LIN28B: variants seen among roughly 807,000 people sequenced by gnomAD.
LIN28B encodes the protein protein lin-28 homolog B.
In LIN28B, 5 loss-of-function variants were observed where a neutral mutation model predicts 21.9. The ratio of observed to expected loss-of-function variants is 0.23; its 90% CI spans 0.12 to 0.48. The LOEUF is 0.48. Ranked by LOEUF, LIN28B falls within the 20% of genes least tolerant of loss-of-function variation. The pLI, the probability that LIN28B is intolerant of heterozygous loss-of-function variation, is 0.98. For synonymous variants in LIN28B, 109 were observed against 111.3 expected (o/e 0.98, Z 0.13); for missense variants, 245 against 310.5 (o/e 0.79, Z 1.58).
At chr6:105,068,508 C>T (rs1772264181) in intron 3 of LIN28B, among the ~76,000 whole-genome samples, 1 of 152,104 alleles carries the variant, frequency 6.6e-6, no homozygotes, top group African/African-American at 2.4e-5. Context: ...GTATTCATTT[C>T]CACTGCCAGC....
intron 2 of LIN28B, among the ~76,000 whole-genome samples, chr6:105,022,664 G>A (rs1343804073): frequency 2.0e-5 from 3 of 152,014 alleles, no homozygotes; most frequent in Non-Finnish European, 4.4e-5. Flanking sequence ...GGTGGGGATG[G>A]AATTAGAGTA....
chr6:104,954,225 A>AAAAAATT (rs1264830573), upstream of LIN28B, among the ~76,000 whole-genome samples: 1 of 152,212 alleles, frequency 6.6e-6, no homozygotes, highest in African/African-American at 2.4e-5. Flanking sequence ...GGAAATGAGA[A>AAAAAATT]AAAAATTAAA....
chr6:104,990,034 A>G (rs1357071152), intron 2 of LIN28B, among the ~76,000 whole-genome samples: 1 of 152,188 alleles, frequency 6.6e-6, no homozygotes, highest in East Asian at 1.9e-4. Context: ...CATTCAGTGA[A>G]AAATACATTT....
chr6:104,947,727 A>G (rs1337151934), intron 2 of LIN28B, among the ~76,000 whole-genome samples: 2 of 150,464 alleles, frequency 1.3e-5, no homozygotes, highest in South Asian at 2.1e-4. Context: ...TGCCTATCCA[A>G]TTATTTTTTA....
chr6:105,026,221 A>C, intron 2 of LIN28B, 77 bp from the exon 3 acceptor site: 1 of 754,656 alleles, frequency 1.3e-6, no homozygotes. Flanking sequence ...TCTTTTTTAA[A>C]ATTATAGAGA....
intron 3 of LIN28B, among the ~76,000 whole-genome samples, chr6:105,036,746 G>GA (rs1392166221): frequency 6.6e-6 from 1 of 152,064 alleles, no homozygotes; most frequent in East Asian, 1.9e-4. Context: ...AATGCCTACA[G>GA]AAAAAAAGTT....
chr6:105,045,190 A>G (rs997379045), intron 3 of LIN28B, among the ~76,000 whole-genome samples: 1 of 151,884 alleles, frequency 6.6e-6, no homozygotes, highest in African/African-American at 2.4e-5. Flanking sequence ...AGCCTGTTTA[A>G]ATCCTGAGTA....
At chr6:104,986,824 T>C (rs1770355606) in intron 2 of LIN28B, among the ~76,000 whole-genome samples, 1 of 152,238 alleles carries the variant, frequency 6.6e-6, no homozygotes, top group Non-Finnish European at 1.5e-5. Flanking sequence ...TGAAATAATT[T>C]GCTGCAACTC....
chr6:104,939,597 T>A (rs1229947138), intron 2 of LIN28B: 2 of 152,238 alleles, frequency 1.3e-5, no homozygotes, highest in African/African-American at 4.8e-5. Context: ...AAATGTATCA[T>A]CACACAGCAA....
At chr6:105,059,712 G>C (rs1772090025) in intron 3 of LIN28B, among the ~76,000 whole-genome samples, 1 of 152,094 alleles carries the variant, frequency 6.6e-6, no homozygotes, top group Non-Finnish European at 1.5e-5. Flanking sequence ...TTACTAAAAT[G>C]TATGACAATA....
chr6:105,016,248 A>G (rs1253104833), intron 2 of LIN28B, among the ~76,000 whole-genome samples: 1 of 151,146 alleles, frequency 6.6e-6, no homozygotes, highest in East Asian at 1.9e-4. Flanking sequence ...ATTAAAGGAT[A>G]AAAACAAAAT....
intron 3 of LIN28B, among the ~76,000 whole-genome samples, chr6:105,040,860 T>C (rs1771617587): frequency 6.6e-6 from 1 of 151,888 alleles, no homozygotes; most frequent in Non-Finnish European, 1.5e-5. Context: ...GATTTTCTTA[T>C]ATCTTTAAAT....
intron 2 of LIN28B, among the ~76,000 whole-genome samples, chr6:105,009,998 T>G (rs1770889881): frequency 6.6e-6 from 1 of 152,168 alleles, no homozygotes; most frequent in Admixed American, 6.5e-5. Context: ...TCCAATTACA[T>G]GAACAATATA....
intron 3 of LIN28B, among the ~76,000 whole-genome samples, chr6:105,055,375 A>G (rs1314266206): frequency 1.3e-5 from 2 of 152,100 alleles, no homozygotes; most frequent in African/African-American, 4.8e-5. Flanking sequence ...GTAAAATTGA[A>G]CTCAGGGTTT....
intron 2 of LIN28B, among the ~76,000 whole-genome samples, chr6:105,012,462 C>T (rs1194145065): frequency 1.3e-5 from 2 of 151,650 alleles, no homozygotes; most frequent in Non-Finnish European, 2.9e-5. Context: ...GAGCAAGACT[C>T]CATCTCCAAA....
chr6:105,037,790 C>T (rs1233607390), intron 3 of LIN28B, among the ~76,000 whole-genome samples: 6 of 151,964 alleles, frequency 3.9e-5, no homozygotes, highest in Admixed American at 1.3e-4. Context: ...GGATTACAGA[C>T]GTGAGCTACT....
intron 2 of LIN28B, among the ~76,000 whole-genome samples, chr6:104,950,149 C>T (rs1279667884): frequency 6.6e-6 from 1 of 152,108 alleles, no homozygotes; most frequent in Non-Finnish European, 1.5e-5. Flanking sequence ...TTTAAAATTA[C>T]AGTGTAAAAT....
chr6:105,022,406 A>G (rs1043003524), intron 2 of LIN28B, among the ~76,000 whole-genome samples: 3 of 152,184 alleles, frequency 2.0e-5, no homozygotes, highest in Admixed American at 6.5e-5. Flanking sequence ...GAAATTGTAC[A>G]TTTTTAGGCA....
intron 2 of LIN28B, among the ~76,000 whole-genome samples, chr6:105,002,371 A>C (rs916476300): frequency 1.6e-4 from 24 of 152,150 alleles, no homozygotes; most frequent in African/African-American, 5.8e-4. Flanking sequence ...ATTCTTTGAC[A>C]TTAATAGGGT....
Sources: allele counts gnomAD v4.1 joint callset (sites outside exome capture counted in the v4.1 genomes callset), GRCh38; gene constraint gnomAD v4.1.1; transcripts MANE v1.5; gene names NCBI Gene and HGNC (gene_info 2026-07-23, HGNC 2026-07-21).